The following LSM14A variants were observed in gnomAD, a reference collection of about 807,000 sequenced individuals.
LSM14A encodes the protein protein LSM14 homolog A.
In LSM14A, 14 loss-of-function variants were observed where a neutral mutation model predicts 52.4. That is an observed-to-expected ratio of 0.27 (90% confidence interval 0.18 to 0.42). The LOEUF is 0.42. Among genes scored for constraint, LSM14A ranks in the 10% least tolerant of loss-of-function variants. The probability of loss-of-function intolerance (pLI) is 1.00; values close to 1 mark genes in which losing one functional copy is unlikely to be tolerated. For missense variants in LSM14A, 417 were observed against 581.8 expected (o/e 0.72, Z 2.91); for synonymous variants, 185 against 200.3 (o/e 0.92, Z 0.64).
At chr19:34,182,418 TTA>T (rs2069547525) in intron 1 of LSM14A, among the ~76,000 whole-genome samples, 1 of 152,168 alleles carries the variant, frequency 6.6e-6, no homozygotes, top group Non-Finnish European at 1.5e-5. Context: ...CTGGAAGCTT[TTA>T]TTTAGAATTC....
intron 3 of LSM14A, among the ~76,000 whole-genome samples, chr19:34,199,056 A>G (rs951006690): frequency 3.9e-5 from 6 of 152,226 alleles, no homozygotes; most frequent in Non-Finnish European, 5.9e-5. Context: ...TTAGTAGGAT[A>G]TATTCTAACA....
chr19:34,178,890 A>G (rs1448861901), intron 1 of LSM14A, among the ~76,000 whole-genome samples: 1 of 152,190 alleles, frequency 6.6e-6, no homozygotes, highest in African/African-American at 2.4e-5. Flanking sequence ...CTCAATTATA[A>G]TTTTCATTTA....
intron 6 of LSM14A, among the ~76,000 whole-genome samples, chr19:34,218,435 G>A (rs980279692): frequency 2.0e-5 from 3 of 152,122 alleles, no homozygotes; most frequent in Non-Finnish European, 4.4e-5. Context: ...TGCTGCTGTG[G>A]GGTTTTGTGG....
At chr19:34,200,789 T>C (rs943056824) in intron 3 of LSM14A, among the ~76,000 whole-genome samples, 4 of 152,204 alleles carry the variant, frequency 2.6e-5, no homozygotes, top group African/African-American at 9.6e-5. Context: ...AATCAAGATA[T>C]ACTGTATGTT....
intron 9 of LSM14A, among the ~76,000 whole-genome samples, chr19:34,224,025 A>C (rs1306710693): frequency 6.6e-6 from 1 of 152,130 alleles, no homozygotes; most frequent in Non-Finnish European, 1.5e-5. Context: ...CACCCCAGGG[A>C]TGTTCTAACT....
intron 3 of LSM14A, among the ~76,000 whole-genome samples, chr19:34,199,101 T>C (rs1048610596): frequency 6.6e-6 from 1 of 152,134 alleles, no homozygotes; most frequent in African/African-American, 2.4e-5. Context: ...TGACTTTGAT[T>C]TGTATTATTG....
Position 34,218,392 on chromosome 19 carries a change from A to C in LSM14A, c.782-999A>C, listed in dbSNP as rs941614387. On this transcript the variant is annotated intron_variant, in intron 6 of 9. Coordinates refer to ENST00000544216, the MANE Select transcript of LSM14A (RefSeq NM_015578.4). Reference sequence around the variant, plus strand: ...TTTAATAGTAGAGGTGAATGTTTCAAACATCCTACTTATCTAGATTTATGT... The same window carrying C: ...TTTAATAGTAGAGGTGAATGTTTCACACATCCTACTTATCTAGATTTATGT... Among the ~76,000 whole-genome samples, 3 of 152,268 alleles carry C rather than the reference A, an allele frequency of 2.0e-5. No homozygotes were observed. In the South Asian group the frequency reaches 6.2e-4, roughly 32 times the overall value.
Position 34,221,706 on chromosome 19 carries a change from G to C in LSM14A, c.1336G>C (p.Gly446Arg). 6.2e-7 allele frequency: 1 copy of C among 1,613,844 alleles called. No individual in the cohort carries two copies. Among genetic ancestry groups the C allele is most frequent in the Non-Finnish European group, 8.5e-7 (1 of 1,179,778 alleles). ...GFRGGFRGGR[G>R]GREFADFEYR... ...TCGCGGTGGATTCAGAGGAGGTCGT[G>C]GGGGCCGGGAGTTTGCGGATTTTGA... Residue 446 changes from glycine to arginine, a missense_variant, in exon 9 of 10, where the codon GGG (glycine) becomes CGG (arginine). Physicochemically the swap from Gly to Arg is moderately radical, Grantham distance 125. Transcript: ENST00000544216.
chr19:34,223,340 A>G (rs2073169420), intron 9 of LSM14A, among the ~76,000 whole-genome samples: 1 of 152,070 alleles, frequency 6.6e-6, no homozygotes, highest in Non-Finnish European at 1.5e-5. Flanking sequence ...CTCTCACCTC[A>G]GCTTCCCAAA....
intron 1 of LSM14A, among the ~76,000 whole-genome samples, chr19:34,192,036 A>T (rs974729076): frequency 6.6e-6 from 1 of 152,052 alleles, no homozygotes; most frequent in African/African-American, 2.4e-5. Context: ...AGGGCAGAGG[A>T]TACTTACGTA....
chr19:34,220,555 G>A (rs919254351), intron 8 of LSM14A, among the ~76,000 whole-genome samples: 3 of 152,122 alleles, frequency 2.0e-5, no homozygotes, highest in African/African-American at 7.2e-5. Flanking sequence ...ATTATTGAGA[G>A]GTTAATTAAA....
intron 6 of LSM14A, among the ~76,000 whole-genome samples, 161 bp downstream of exon 6, chr19:34,215,822 C>T (rs944002401): frequency 1.3e-5 from 2 of 152,080 alleles, no homozygotes; most frequent in Non-Finnish European, 2.9e-5. Context: ...AGTCCTTTAT[C>T]TTGATTGTGG....
chr19:34,217,479 G>A (rs1208075623), intron 6 of LSM14A, among the ~76,000 whole-genome samples: 1 of 150,846 alleles, frequency 6.6e-6, no homozygotes, highest in East Asian at 1.9e-4. Flanking sequence ...AAAAGGGAAT[G>A]TATAATCTAC....
At chr19:34,208,871 T>C (rs1028366151) in intron 3 of LSM14A, 58 bp from the exon 4 acceptor site, 2 of 1,242,568 alleles carry the variant, frequency 1.6e-6, no homozygotes, top group Admixed American at 2.4e-5. Flanking sequence ...CTTTATATCA[T>C]TGAATAATGT....
chr19:34,195,233 A>G (rs1235756355), intron 2 of LSM14A: 4 of 147,570 alleles, frequency 2.7e-5, no homozygotes, highest in African/African-American at 7.6e-5. Context: ...GTTGGAGTAC[A>G]GTGGCGTGAA....
chr19:34,217,701 C>G (rs960536502), intron 6 of LSM14A, among the ~76,000 whole-genome samples: 3 of 133,208 alleles, frequency 2.3e-5, no homozygotes, highest in African/African-American at 8.4e-5. Context: ...ACGATCTCAG[C>G]TCACTGCAAC....
chr19:34,209,053 TA>T lies in LSM14A; in HGVS notation c.538+4del, dbSNP rs1157426817. 1 of 1,565,678 alleles carries T rather than the reference TA, an allele frequency of 6.4e-7. No individual in the cohort carries two copies. On this transcript the variant is annotated splice_donor_region_variant and intron_variant, in intron 4 of 9. Transcript: ENST00000544216. Reference sequence around the variant, plus strand: ...CTCTAAAAACACAGTTATCTCAAGGTAAGCTATCTCATCCCTAAAATATTTC... The same window carrying T: ...CTCTAAAAACACAGTTATCTCAAGGTAGCTATCTCATCCCTAAAATATTTC...
chr19:34,224,746 A>G lies in LSM14A; in HGVS notation c.1369-2619A>G, dbSNP rs148407952. The stretch of plus-strand genomic sequence containing the variant: ...TGCCTCATGGTTATCTCACATACAC[A>G]TTGTGCTTGATTCCAACTCCATCCC... On this transcript the variant is annotated intron_variant, in intron 9 of 9. Transcript: ENST00000544216. Among the ~76,000 whole-genome samples the G allele has an allele frequency of 9.8e-5, 15 of 152,300 alleles. No homozygotes were observed. The East Asian group carries it at 2.9e-3, about 29-fold the overall frequency.
intron 2 of LSM14A, among the ~76,000 whole-genome samples, chr19:34,195,009 A>G (rs2145647487): frequency 6.6e-6 from 1 of 152,124 alleles, no homozygotes; most frequent in Admixed American, 6.6e-5. Flanking sequence ...GAACAGATCC[A>G]GGCAGCCTGC....
Sources: gnomAD v4.1 joint callset for allele counts (sites outside exome capture counted in the v4.1 genomes callset) on GRCh38, gnomAD v4.1.1 for gene constraint, MANE v1.5 for transcripts, NCBI Gene and HGNC (gene_info 2026-07-23, HGNC 2026-07-21) for gene names.